Variants in DCUN1D1 observed in about 807,000 individuals in gnomAD.
DCUN1D1 encodes the protein defective in cullin neddylation 1 domain containing 1.
Under a neutral mutation model 39.0 loss-of-function variants are expected in DCUN1D1, and 3 were observed. The ratio of observed to expected loss-of-function variants is 0.08; its 90% CI spans 0.04 to 0.20. The LOEUF is 0.20. Ranked by LOEUF, DCUN1D1 falls within the 10% of genes least tolerant of loss-of-function variation. DCUN1D1 has a pLI of 1.00. For synonymous variants in DCUN1D1, 82 were observed against 96.3 expected, an observed-to-expected ratio of 0.85 and a Z score of 0.87; for missense variants, 158 against 302.4, an observed-to-expected ratio of 0.52 and a Z score of 3.54.
chr3:182,979,333 C>A (rs1728397247), intron 1 of DCUN1D1, among the ~76,000 whole-genome samples: 1 of 152,174 alleles, frequency 6.6e-6, no homozygotes. Context: ...ATAAGACCAA[C>A]TAAAAACAAA....
At chr3:182,958,131 T>C (rs954923956) in intron 4 of DCUN1D1, among the ~76,000 whole-genome samples, 3 of 151,926 alleles carry the variant, frequency 2.0e-5, no homozygotes, top group Middle Eastern at 3.2e-3. Flanking sequence ...TGTGAACCCT[T>C]AGAAAGGCTG....
At chr3:182,953,395 G>C (rs961713023) in intron 4 of DCUN1D1, among the ~76,000 whole-genome samples, 4 of 152,224 alleles carry the variant, frequency 2.6e-5, no homozygotes, top group Non-Finnish European at 5.9e-5. Context: ...AAGTGATGAA[G>C]AGAGCAGCTT....
At chr3:182,961,499 CATAAAT>C (rs1256149731) in intron 3 of DCUN1D1, 143 bp from the exon 4 acceptor site, 4 of 786,856 alleles carry the variant, frequency 5.1e-6, no homozygotes, top group Middle Eastern at 3.7e-4. Flanking sequence ...TTTTATATTA[CATAAAT>C]ATAAACACGC....
chr3:182,945,211 G>GA, intron 6 of DCUN1D1, 38 bp from the exon 7 acceptor site: 1 of 1,464,590 alleles, frequency 6.8e-7, no homozygotes, highest in Non-Finnish European at 9.4e-7. Flanking sequence ...AGAGAAGGGG[G>GA]AAAAAAGCAG....
chr3:182,945,804 T>G (rs1039948899), intron 6 of DCUN1D1, among the ~76,000 whole-genome samples: 7 of 152,194 alleles, frequency 4.6e-5, no homozygotes, highest in African/African-American at 1.4e-4. Flanking sequence ...CATATATGCA[T>G]GCCTCTACAC....
intron 1 of DCUN1D1, among the ~76,000 whole-genome samples, chr3:182,971,037 C>T (rs994749635): frequency 2.0e-5 from 3 of 152,182 alleles, no homozygotes; most frequent in Non-Finnish European, 4.4e-5. Flanking sequence ...TCTACCTGTA[C>T]AGAGGCAATA....
rs985285649 is a variant in DCUN1D1, at chr3:182,944,016, T to G, written c.*1078A>C. 5.9e-5 allele frequency: 9 copies of G among 152,632 alleles called. No individual in the cohort carries two copies. Among genetic ancestry groups the G allele is most frequent in the African/African-American group, 2.2e-4 (9 of 41,464 alleles). The allele number at this position is 152,632 out of a possible 1,614,324, so 9.5% of individuals were successfully genotyped here. ...ATAATAAGTCATCGAAAATGGACTATTTGTCTGAAAGAGCAGTACCTATAT... is the reference window on the plus strand; with the variant it reads ...ATAATAAGTCATCGAAAATGGACTAGTTGTCTGAAAGAGCAGTACCTATAT... On this transcript the variant is annotated 3_prime_UTR_variant, in exon 7 of 7. Transcript: ENST00000292782.
At chr3:182,973,898 T>C (rs1279005431) in intron 1 of DCUN1D1, among the ~76,000 whole-genome samples, 2 of 152,112 alleles carry the variant, frequency 1.3e-5, no homozygotes, top group Admixed American at 6.6e-5. Flanking sequence ...TTTTAAAAAG[T>C]AGGCAACTAA....
chr3:182,983,924 A>G (rs1195015813), upstream of DCUN1D1, among the ~76,000 whole-genome samples: 1 of 152,138 alleles, frequency 6.6e-6, no homozygotes, highest in Admixed American at 6.6e-5. Context: ...CACACCTTAC[A>G]TATACTTTTG....
At chr3:182,949,253 C>G (rs144794523) in intron 4 of DCUN1D1, among the ~76,000 whole-genome samples, 44 of 152,142 alleles carry the variant, frequency 2.9e-4, no homozygotes, top group African/African-American at 9.6e-4. Flanking sequence ...ATCCCAACTA[C>G]TTGGGAGGCT....
Position 182,938,519 on chromosome 3 carries a change from T to G in DCUN1D1, c.*6575A>C, listed in dbSNP as rs2108611227. The G allele has an allele frequency of 6.6e-6, 1 of 152,342 alleles. No individual in the cohort carries two copies. Among genetic ancestry groups the G allele is most frequent in the East Asian group, 1.9e-4 (1 of 5,192 alleles). The allele number at this position is 152,342 out of a possible 1,614,324, so 9.4% of individuals were successfully genotyped here. A position where few individuals can be genotyped will look rare whatever the true frequency, so the allele number is the denominator to read the frequency against. On this transcript the variant is annotated 3_prime_UTR_variant, in exon 7 of 7. Transcript: ENST00000292782. ...TATTTACAAATGAAATGATTTGCTATCTGGGATTTGCTTCAAAATAAATAG... is the reference window on the plus strand; with the variant it reads ...TATTTACAAATGAAATGATTTGCTAGCTGGGATTTGCTTCAAAATAAATAG...
intron 2 of DCUN1D1, 135 bp from the exon 3 acceptor site, chr3:182,964,184 CAT>C: frequency 1.6e-6 from 1 of 628,178 alleles, no homozygotes; most frequent in East Asian, 2.8e-5. Context: ...ATTACTCTAA[CAT>C]ACACTTTCCC....
chr3:182,945,239 T>C lies in DCUN1D1; in HGVS notation c.701-66A>G, dbSNP rs73883963. The stretch of plus-strand genomic sequence containing the variant: ...AAAAGCAGAAATAAGGCTAACATTT[T>C]AGTAGAATCCTTTTTTTAAGACTTC... On this transcript the variant is annotated intron_variant, in intron 6 of 6. Coordinates refer to ENST00000292782, the MANE Select transcript of DCUN1D1 (RefSeq NM_020640.4). 163 of 1,243,124 alleles carry C rather than the reference T, an allele frequency of 1.3e-4. No individual in the cohort carries two copies. In the African/African-American group the frequency reaches 2.2e-3, roughly 17 times the overall value. The allele number at this position is 1,243,124 out of a possible 1,614,324, so 77.0% of individuals were successfully genotyped here.
At chr3:182,956,739 A>G (rs1727091505) in intron 4 of DCUN1D1, among the ~76,000 whole-genome samples, 1 of 152,256 alleles carries the variant, frequency 6.6e-6, no homozygotes, top group Non-Finnish European at 1.5e-5. Flanking sequence ...CAAGAAAGTG[A>G]CTCATAGACT....
intron 1 of DCUN1D1, among the ~76,000 whole-genome samples, chr3:182,971,774 G>C (rs974731156): frequency 3.3e-5 from 5 of 152,084 alleles, no homozygotes; most frequent in African/African-American, 1.2e-4. Flanking sequence ...TATTCAAAAA[G>C]TAGCAGAGCC....
chr3:182,972,800 G>A (rs1728011882), intron 1 of DCUN1D1, among the ~76,000 whole-genome samples: 1 of 152,168 alleles, frequency 6.6e-6, no homozygotes, highest in Non-Finnish European at 1.5e-5. Flanking sequence ...CAGCACTCTG[G>A]GAGGCCAAGA....
At chr3:182,967,480 T>C (rs1260532116) in intron 1 of DCUN1D1, among the ~76,000 whole-genome samples, 1 of 152,236 alleles carries the variant, frequency 6.6e-6, no homozygotes, top group African/African-American at 2.4e-5. Context: ...AAACTAGCCC[T>C]ATTTCCCTTT....
chr3:182,959,643 T>C (rs527787910), intron 4 of DCUN1D1, among the ~76,000 whole-genome samples: 3 of 151,840 alleles, frequency 2.0e-5, no homozygotes, highest in East Asian at 1.9e-4. Flanking sequence ...GCACGGCACA[T>C]AGCAGGTGGT....
chr3:182,955,479 T>C (rs771455738), intron 4 of DCUN1D1: 6 of 535,376 alleles, frequency 1.1e-5, no homozygotes, highest in South Asian at 4.2e-5. Context: ...TCCTCCACTG[T>C]CTTTTGTAAA....
Sources: allele counts gnomAD v4.1 joint callset (sites outside exome capture counted in the v4.1 genomes callset), GRCh38; gene constraint gnomAD v4.1.1; transcripts MANE v1.5; gene names NCBI Gene and HGNC (gene_info 2026-07-23, HGNC 2026-07-21).